FANCA: variants seen among roughly 807,000 people sequenced by gnomAD.
FANCA encodes the protein FA complementation group A.
In FANCA, 236 loss-of-function variants were observed where a neutral mutation model predicts 194.3. The observed-to-expected ratio is 1.21, with a 90% confidence interval of 1.09 to 1.35. The LOEUF (loss-of-function observed/expected upper bound fraction) is 1.35, where lower values mean the gene tolerates loss of function less well. Ranked by LOEUF, FANCA falls within the 40% of genes most tolerant of loss-of-function variation. The pLI is 0.00. For synonymous variants in FANCA, 1,014 were observed against 715.8 expected (o/e 1.42, Z -6.65); for missense variants, 2,628 against 1,813.9 (o/e 1.45, Z -8.15).
intron 26 of FANCA, among the ~76,000 whole-genome samples, chr16:89,767,975 G>A (rs988958760): frequency 6.6e-5 from 10 of 152,138 alleles, no homozygotes; most frequent in Admixed American, 2.0e-4. Flanking sequence ...GTTAGCCACC[G>A]TGCCTGGCCC....
At chr16:89,795,584 G>A (rs1437305126) in intron 11 of FANCA, among the ~76,000 whole-genome samples, 1 of 152,196 alleles carries the variant, frequency 6.6e-6, no homozygotes, top group Non-Finnish European at 1.5e-5. Flanking sequence ...GTTGCAGTGA[G>A]CTGAGATCAC....
In FANCA at chr16:89,737,638, A is replaced by C; in HGVS notation, c.*963T>G. On this transcript the variant is annotated 3_prime_UTR_variant, in exon 43 of 43. Transcript: ENST00000389301. ...CACGTGACAGTGTATAAAGCAGTTT[A>C]AAGATCTTAATAAACGAGGCCCTCA... The C allele has an allele frequency of 2.3e-6, 3 of 1,329,172 alleles. No homozygotes were observed. Among genetic ancestry groups the C allele is most frequent in the African/African-American group, 1.5e-5 (1 of 67,744 alleles). 82.3% of individuals were successfully genotyped at this position (1,329,172 alleles called of 1,614,324 possible). A position where few individuals can be genotyped will look rare whatever the true frequency, so the allele number is the denominator to read the frequency against.
chr16:89,739,117 T>A lies in FANCA; in HGVS notation c.4167+16A>T. ...GGGGGAGCTCCCCTGGAGGTGGGAC[T>A]GGCCCTTGCACCTGCCTGACCCTTG... On this transcript the variant is annotated intron_variant, in intron 41 of 42. Transcript: ENST00000389301. 6.2e-7 allele frequency: 1 copy of A among 1,614,090 alleles called. No individual in the cohort carries two copies. Among genetic ancestry groups the A allele is most frequent in the Non-Finnish European group, 8.5e-7 (1 of 1,179,968 alleles).
Position 89,803,350 on chromosome 16 carries a change from C to T in FANCA, c.710-9G>A, listed in dbSNP as rs772864817. 1.2e-5 allele frequency: 19 copies of T among 1,612,568 alleles called. No individual in the cohort carries two copies. The highest frequency in any genetic ancestry group is 1.5e-5 in the Non-Finnish European group (18 of 1,178,766). On this transcript the variant is annotated splice_polypyrimidine_tract_variant and intron_variant, in intron 7 of 42. Transcript: ENST00000389301. ...AAACATTTGAACAAAATCTGAAAAA[C>T]CATAAAACCAAAGTTATTTATGGAC...
intron 3 of FANCA, among the ~76,000 whole-genome samples, chr16:89,812,646 CAA>C (rs71137677): frequency 8.3e-4 from 35 of 42,352 alleles, no homozygotes; most frequent in Non-Finnish European, 1.2e-3. Context: ...TACTCCGTCT[CAA>C]AAAAAAAAAA....
Position 89,816,602 on chromosome 16 carries a change from C to G in FANCA, c.14G>C (p.Trp5Ser). Residue 5 changes from tryptophan (W) to serine (S), a missense_variant, in exon 1 of 43, where the codon TGG (tryptophan) becomes TCG (serine). Physicochemically the swap from Trp to Ser is radical, Grantham distance 177. Transcript: ENST00000389301. MSDS[W>S]VPNSASGQDP... ...CTGGCCCGAGGCGGAGTTCGGGACC[C>G]ACGAGTCGGACATGGCCTTGGCGCC... 1 of 1,526,446 alleles carries G rather than the reference C, an allele frequency of 6.6e-7. No individual in the cohort carries two copies. The highest frequency in any genetic ancestry group is 1.2e-5 in the South Asian group (1 of 82,986). 94.6% of individuals were successfully genotyped at this position (1,526,446 alleles called of 1,614,324 possible).
chr16:89,783,198 T>C (rs2039780687), intron 15 of FANCA, 96 bp from the exon 16 acceptor site: 4 of 882,272 alleles, frequency 4.5e-6, no homozygotes, highest in Admixed American at 1.9e-5. Flanking sequence ...CAGTGCTGAG[T>C]AGAGAAACAC....
At chr16:89,774,712 A>G (rs560428043) in intron 21 of FANCA, among the ~76,000 whole-genome samples, 6 of 110,692 alleles carry the variant, frequency 5.4e-5, no homozygotes, top group South Asian at 3.4e-4. Flanking sequence ...CCTGGGCAAC[A>G]GAGCGAGACT....
intron 24 of FANCA, 107 bp from the exon 25 acceptor site, chr16:89,770,366 C>T (rs893936499): frequency 8.7e-7 from 1 of 1,154,442 alleles, no homozygotes; most frequent in Non-Finnish European, 1.3e-6. Flanking sequence ...AGCTGTTCCC[C>T]AAAACAGTGG....
chr16:89,803,155 G>A, intron 8 of FANCA, 104 bp downstream of exon 8: 1 of 1,109,918 alleles, frequency 9.0e-7, no homozygotes, highest in Non-Finnish European at 1.4e-6. Flanking sequence ...CCCGTAAATA[G>A]GTACAAACAG....
chr16:89,739,635 C>T lies in FANCA; in HGVS notation c.3935-82G>A, dbSNP rs535725578. The T allele has an allele frequency of 1.1e-4, 169 of 1,517,730 alleles. 1 individual carries two copies. In the East Asian group the frequency reaches 3.7e-3, roughly 34 times the overall value. 94.0% of individuals were successfully genotyped at this position (1,517,730 alleles called of 1,614,324 possible). On this transcript the variant is annotated intron_variant, in intron 39 of 42. Transcript: ENST00000389301. ...CTGGGGACACCCCTGGGGGTCGGGA[C>T]GTGTACCCTGGGAGGCCTGGCTGTG...
chr16:89,781,297 G>A (rs1340500880), intron 17 of FANCA, among the ~76,000 whole-genome samples: 1 of 148,020 alleles, frequency 6.8e-6, no homozygotes, highest in African/African-American at 2.5e-5. Context: ...CCGGAAGGCG[G>A]AGCTTGCAGT....
chr16:89,808,744 G>A (rs1053504104), intron 5 of FANCA, among the ~76,000 whole-genome samples: 5 of 152,118 alleles, frequency 3.3e-5, no homozygotes, highest in Admixed American at 3.3e-4. Context: ...CCAGGACAAA[G>A]GTCAGGCTTC....
Position 89,762,832 on chromosome 16 carries a change from G to T in FANCA, c.2779-810C>A. Reference sequence around the variant, plus strand: ...AAACATTTTTAGGAGGCCGAGCACGGTGGCTCATGCCTGTAATCCCAGCAC... The same window carrying T: ...AAACATTTTTAGGAGGCCGAGCACGTTGGCTCATGCCTGTAATCCCAGCAC... On this transcript the variant is annotated intron_variant, in intron 28 of 42. Coordinates refer to ENST00000389301, the MANE Select transcript of FANCA (RefSeq NM_000135.4). 4.6e-6 allele frequency: 2 copies of T among 436,456 alleles called. 1 individual carries two copies. The highest frequency in any genetic ancestry group is 3.2e-5 in the South Asian group (2 of 61,606). The allele number at this position is 436,456 out of a possible 1,614,324, so 27.0% of individuals were successfully genotyped here. A position where few individuals can be genotyped will look rare whatever the true frequency, so the allele number is the denominator to read the frequency against.
chr16:89,806,576 A>G (rs1218724170), intron 6 of FANCA, among the ~76,000 whole-genome samples: 1 of 151,918 alleles, frequency 6.6e-6, no homozygotes, highest in African/African-American at 2.4e-5. Context: ...GCCTTCAAGC[A>G]TCTGTTTAAC....
chr16:89,742,811 C>A lies in FANCA; in HGVS notation c.3754G>T (p.Glu1252Ter). The A allele has an allele frequency of 1.2e-6, 2 of 1,614,144 alleles. No individual in the cohort carries two copies. The highest frequency in any genetic ancestry group is 1.1e-5 in the South Asian group (1 of 91,070). The change falls in exon 37 of 43, where the codon GAG (glutamate) becomes TAG (stop). Residue 1252 changes from glutamate to a stop codon, truncating the protein, a stop_gained. Coordinates refer to ENST00000389301, the MANE Select transcript of FANCA (RefSeq NM_000135.4). LOFTEE classifies it high-confidence loss of function. The stretch of plus-strand genomic sequence containing the variant: ...ATTTCCTATCTTGCCTCCTCTCTCT[C>A]GCAGTCCAGCTTCTTTAGCTGCTTC... ...IRKQLKKLDCEREELLVFLFF... is the reference protein window; with the variant it reads ...IRKQLKKLDC
rs547653113 is a variant in FANCA at position 89,746,986 on chromosome 16, C to T, written c.3349-96G>A. The T allele has an allele frequency of 7.5e-6, 9 of 1,207,712 alleles. 1 individual carries two copies. The South Asian group carries it at 1.2e-4, about 16-fold the overall frequency. 74.8% of individuals were successfully genotyped at this position (1,207,712 alleles called of 1,614,324 possible). A position where few individuals can be genotyped will look rare whatever the true frequency, so the allele number is the denominator to read the frequency against. ...GCTGTGGATTCAGTTTTGAGAAAAA[C>T]ACTCGCTAAGGCTTGGCGTGGCCAC... On this transcript the variant is annotated intron_variant, in intron 33 of 42. Transcript: ENST00000389301.
In FANCA at chr16:89,770,004, T is replaced by C; in HGVS notation, c.2337A>G (p.Pro779=). The C allele has an allele frequency of 1.2e-6, 2 of 1,613,730 alleles. No homozygotes were observed. The highest frequency in any genetic ancestry group is 1.7e-6 in the Non-Finnish European group (2 of 1,179,966). The part of the protein sequence containing the change: ...LRHQGPSLSA[P]HVLGLAALAV... ...CCAGGGCAGCCAACCCCAGCACATG[T>C]GGGGCACTCAGGCTCGGGCCCTGCA... The change falls in exon 26 of 43, where the codon CCA becomes CCG. Residue 779 remains proline (P), a synonymous_variant. Coordinates refer to ENST00000389301, the MANE Select transcript of FANCA (RefSeq NM_000135.4).
In FANCA at chr16:89,791,979, G is replaced by C. The variant is rs2040091412; in HGVS notation, c.1173C>G (p.Ser391=). ...AGCAGACAACCAGGGCAGACACAAA[G>C]GAGAGCACTCTCTGCCAGTGAACCT... ...TQEVHWQRVL[S]FVSALVVCFP... is the part of the protein sequence containing the mutation. The change falls in exon 13 of 43, where the codon TCC becomes TCG. Residue 391 remains serine (S), a synonymous_variant. Transcript: ENST00000389301. 6.2e-7 allele frequency: 1 copy of C among 1,614,144 alleles called. No individual in the cohort carries two copies. Among genetic ancestry groups the C allele is most frequent in the Non-Finnish European group, 8.5e-7 (1 of 1,180,026 alleles).
Sources: allele counts gnomAD v4.1 joint callset (sites outside exome capture counted in the v4.1 genomes callset), GRCh38; gene constraint gnomAD v4.1.1; transcripts MANE v1.5; gene names NCBI Gene and HGNC (gene_info 2026-07-23, HGNC 2026-07-21).